The following CNTN4 variants were observed in gnomAD, a reference collection of about 807,000 sequenced individuals.
CNTN4 encodes the protein contactin 4, also known as contactin-4.
In CNTN4, 77 loss-of-function variants were observed where a neutral mutation model predicts 122.5. The ratio of observed to expected loss-of-function variants is 0.63; its 90% CI spans 0.52 to 0.76. The LOEUF is 0.76. Ranked by LOEUF, CNTN4 falls within the 30% of genes least tolerant of loss-of-function variation. The pLI is 0.00. For synonymous variants in CNTN4, 512 were observed against 447.0 expected, an observed-to-expected ratio of 1.15 and a Z score of -1.83; for missense variants, 1,256 against 1,259.1, an observed-to-expected ratio of 1.00 and a Z score of 0.04.
intron 10 of CNTN4, among the ~76,000 whole-genome samples, chr3:2,895,805 C>A (rs367739016): frequency 6.6e-6 from 1 of 152,142 alleles, no homozygotes; most frequent in African/African-American, 2.4e-5. Flanking sequence ...GAGGCCGAGG[C>A]GGGCGGATCA....
At chr3:2,410,226 C>T (rs565706564) in intron 3 of CNTN4, among the ~76,000 whole-genome samples, 10 of 152,312 alleles carry the variant, frequency 6.6e-5, no homozygotes, top group African/African-American at 2.2e-4. Flanking sequence ...CTTTGTGGGA[C>T]AGACACTGAA....
intron 3 of CNTN4, among the ~76,000 whole-genome samples, chr3:2,340,709 A>AGAGAGAGAGAGAGGGAGAGGGAGAGG (rs1559468175): frequency 6.9e-5 from 7 of 101,372 alleles, no homozygotes; most frequent in African/African-American, 2.5e-4. Flanking sequence ...ATATATATAT[A>AGAGAGAGAGAGAGGGAGAGGGAGAGG]TAGAGAGAGA....
At chr3:2,839,455 C>T (rs748214461) in intron 7 of CNTN4, among the ~76,000 whole-genome samples, 65 of 151,658 alleles carry the variant, frequency 4.3e-4, no homozygotes, top group African/African-American at 1.4e-3. Context: ...AGAAAGAGGT[C>T]GGATGCTGTT....
chr3:2,906,799 G>A (rs147231474), intron 12 of CNTN4, among the ~76,000 whole-genome samples: 2,624 of 150,078 alleles, frequency 0.017, 68 homozygotes, highest in African/African-American at 0.06. Context: ...AGCCAAGATC[G>A]TGTCATTGCA....
intron 2 of CNTN4, among the ~76,000 whole-genome samples, chr3:2,267,273 T>C (rs878890620): frequency 6.6e-6 from 1 of 152,108 alleles, no homozygotes; most frequent in Admixed American, 6.6e-5. Flanking sequence ...TGTGTGTGTT[T>C]GGAAAACAAG....
chr3:2,780,931 G>C lies in CNTN4; in HGVS notation c.358+35234G>C, dbSNP rs76083808. On this transcript the variant is annotated intron_variant, in intron 6 of 24. Transcript: ENST00000418658. ...TCTCACAATTCCAAACCCAAGTTAA[G>C]TAGAATATTTTGTTCTACATTTAAA... Among the ~76,000 whole-genome samples, 705 of 152,274 alleles carry C rather than the reference G, an allele frequency of 4.6e-3. 11 individuals carry two copies. The highest frequency in any genetic ancestry group is 0.017 in the African/African-American group (687 of 41,558).
At chr3:2,314,999 T>C (rs1013814500) in intron 2 of CNTN4, among the ~76,000 whole-genome samples, 4 of 152,032 alleles carry the variant, frequency 2.6e-5, no homozygotes, top group Non-Finnish European at 4.4e-5. Flanking sequence ...AGGTTTTCAA[T>C]AAACATGTTA....
intron 14 of CNTN4, among the ~76,000 whole-genome samples, chr3:3,008,782 C>G (rs958565779): frequency 6.6e-6 from 1 of 152,070 alleles, no homozygotes; most frequent in African/African-American, 2.4e-5. Flanking sequence ...CAGTTTTTAC[C>G]ATTACTTTTA....
At chr3:2,428,682 C>T (rs899537444) in intron 3 of CNTN4, among the ~76,000 whole-genome samples, 1 of 152,176 alleles carries the variant, frequency 6.6e-6, no homozygotes, top group African/African-American at 2.4e-5. Context: ...CAACTTGGTT[C>T]CATTCTCCCC....
intron 4 of CNTN4, among the ~76,000 whole-genome samples, chr3:2,593,693 G>T (rs1002004985): frequency 7.9e-5 from 12 of 152,036 alleles, no homozygotes; most frequent in Admixed American, 7.9e-4. Flanking sequence ...TTAGGGAAGA[G>T]AATGTATATG....
At chr3:2,487,649 G>T (rs1271496024) in intron 3 of CNTN4, among the ~76,000 whole-genome samples, 2 of 151,966 alleles carry the variant, frequency 1.3e-5, no homozygotes, top group Non-Finnish European at 1.5e-5. Flanking sequence ...GTTTTGTTTT[G>T]TATGAGAGAT....
intron 4 of CNTN4, among the ~76,000 whole-genome samples, chr3:2,695,997 G>A (rs1391557002): frequency 1.3e-5 from 2 of 152,178 alleles, no homozygotes; most frequent in East Asian, 3.8e-4. Flanking sequence ...TAGGGCTTGT[G>A]AGGTATGTAT....
intron 6 of CNTN4, among the ~76,000 whole-genome samples, chr3:2,787,123 AC>A (rs1169177372): frequency 6.6e-6 from 1 of 152,026 alleles, no homozygotes; most frequent in Non-Finnish European, 1.5e-5. Flanking sequence ...ATACCTGTAA[AC>A]CCAGCACTTT....
At chr3:2,504,993 C>G (rs1006526886) in intron 3 of CNTN4, among the ~76,000 whole-genome samples, 1 of 152,056 alleles carries the variant, frequency 6.6e-6, no homozygotes, top group African/African-American at 2.4e-5. Context: ...AAAGAAGAAC[C>G]CACCCAGCTA....
intron 2 of CNTN4, among the ~76,000 whole-genome samples, chr3:2,236,417 G>A (rs1419940422): frequency 6.6e-6 from 1 of 152,186 alleles, no homozygotes; most frequent in African/African-American, 2.4e-5. Flanking sequence ...GTGTGTGGAA[G>A]CATATTGTAA....
At chr3:3,009,860 T>C (rs1030373734) in intron 14 of CNTN4, among the ~76,000 whole-genome samples, 10 of 152,236 alleles carry the variant, frequency 6.6e-5, no homozygotes, top group African/African-American at 2.4e-4. Context: ...GCCGTGAACA[T>C]GTAGATGAAG....
rs540522541 is a variant in CNTN4 at position 2,718,756 on chromosome 3, AAG to A, written c.56-17455_56-17454del. Among the ~76,000 whole-genome samples the A allele has an allele frequency of 1.1e-3, 161 of 152,350 alleles. 6 individuals are homozygous for A. In the South Asian group the frequency reaches 0.032, roughly 31 times the overall value. ...TTTCTCAAGTCCCTGAAATACCCTG[AAG>A]AGACTTATCTAGTTAAATAGTTAAT... On this transcript the variant is annotated intron_variant, in intron 4 of 24. Coordinates refer to ENST00000418658, the MANE Select transcript of CNTN4 (RefSeq NM_175607.3).
At chr3:2,179,717 A>G (rs2036926863) in intron 2 of CNTN4, among the ~76,000 whole-genome samples, 2 of 151,914 alleles carry the variant, frequency 1.3e-5, no homozygotes, top group African/African-American at 4.8e-5. Context: ...GTATAATTCC[A>G]AAAGCACCTA....
chr3:2,903,881 A>G (rs1216072270), intron 12 of CNTN4, among the ~76,000 whole-genome samples: 1 of 152,238 alleles, frequency 6.6e-6, no homozygotes, highest in African/African-American at 2.4e-5. Context: ...TATGCACTCA[A>G]TAAACATTGA....
Sources: gnomAD v4.1 joint callset for allele counts (sites outside exome capture counted in the v4.1 genomes callset) on GRCh38, gnomAD v4.1.1 for gene constraint, MANE v1.5 for transcripts, NCBI Gene and HGNC (gene_info 2026-07-23, HGNC 2026-07-21) for gene names.